RAB7A: variants seen among roughly 807,000 people sequenced by gnomAD.
The protein encoded by RAB7A is ras-related protein Rab-7a.
Under a neutral mutation model 24.5 loss-of-function variants are expected in RAB7A, and 2 were observed. That is an observed-to-expected ratio of 0.08 (90% CI 0.03 to 0.26). RAB7A has a LOEUF of 0.26. RAB7A is among the 10% of genes least tolerant of loss of function. The pLI is 1.00. For missense variants in RAB7A, 118 were observed against 255.7 expected (o/e 0.46, Z 3.67); for synonymous variants, 100 against 95.9 (o/e 1.04, Z -0.25).
intron 2 of RAB7A, among the ~76,000 whole-genome samples, chr3:128,795,820 C>T (rs899067406): frequency 7.8e-6 from 1 of 128,802 alleles, no homozygotes; most frequent in African/African-American, 2.8e-5. Context: ...GGCGCGATCT[C>T]GGCTCACTGC....
intron 5 of RAB7A, among the ~76,000 whole-genome samples, chr3:128,810,094 A>G (rs1251680567): frequency 6.6e-6 from 1 of 151,220 alleles, no homozygotes; most frequent in East Asian, 1.9e-4. Flanking sequence ...GATTACAGGC[A>G]TCCGCCACCA....
At chr3:128,751,190 A>G (rs780519854) in intron 1 of RAB7A, among the ~76,000 whole-genome samples, 16 of 152,206 alleles carry the variant, frequency 1.1e-4, no homozygotes, top group Non-Finnish European at 1.8e-4. Flanking sequence ...CCCCACACAG[A>G]GCTCTCCACA....
chr3:128,807,247 G>A (rs1023855514), intron 4 of RAB7A, among the ~76,000 whole-genome samples: 1 of 152,144 alleles, frequency 6.6e-6, no homozygotes, highest in Non-Finnish European at 1.5e-5. Flanking sequence ...TTTCTTCCCG[G>A]ACTGGCTTCT....
chr3:128,753,362 GA>G (rs886137274), intron 1 of RAB7A, among the ~76,000 whole-genome samples: 4 of 148,810 alleles, frequency 2.7e-5, no homozygotes, highest in South Asian at 2.2e-4. Flanking sequence ...GATAGAGGAT[GA>G]AGGGGGGGGA....
chr3:128,732,175 G>C (rs1167963624), intron 1 of RAB7A, among the ~76,000 whole-genome samples: 1 of 150,908 alleles, frequency 6.6e-6, no homozygotes, highest in African/African-American at 2.4e-5. Flanking sequence ...GAGTAGCTGG[G>C]GCTACAGGTG....
chr3:128,776,723 C>A (rs1384730627), intron 1 of RAB7A, among the ~76,000 whole-genome samples: 3 of 152,188 alleles, frequency 2.0e-5, no homozygotes, highest in African/African-American at 7.2e-5. Flanking sequence ...TTGGCTATAT[C>A]ATTGGATCAA....
intron 3 of RAB7A, among the ~76,000 whole-genome samples, chr3:128,806,121 T>A (rs113356848): frequency 6.6e-6 from 1 of 152,242 alleles, no homozygotes; most frequent in Non-Finnish European, 1.5e-5. Flanking sequence ...GATCAAGATA[T>A]AAGAAATTTC....
chr3:128,813,280 T>C, intron 5 of RAB7A, 47 bp from the exon 6 acceptor site: 1 of 1,553,668 alleles, frequency 6.4e-7, no homozygotes, highest in East Asian at 2.2e-5. Flanking sequence ...AGGGCTGAAA[T>C]GTTTCTATTC....
At chr3:128,770,300 C>T (rs1347472984) in intron 1 of RAB7A, among the ~76,000 whole-genome samples, 1 of 152,206 alleles carries the variant, frequency 6.6e-6, no homozygotes, top group Non-Finnish European at 1.5e-5. Flanking sequence ...GCCACCACAC[C>T]CAGCCCACAA....
intron 1 of RAB7A, among the ~76,000 whole-genome samples, chr3:128,747,435 A>G (rs2070629301): frequency 6.6e-6 from 1 of 151,424 alleles, no homozygotes; most frequent in South Asian, 2.1e-4. Flanking sequence ...AAAAATACAA[A>G]ATTAGCTGGG....
intron 1 of RAB7A, among the ~76,000 whole-genome samples, chr3:128,768,967 T>TC (rs1553719522): frequency 3.0e-5 from 4 of 132,462 alleles, no homozygotes; most frequent in Non-Finnish European, 1.5e-5. Context: ...TTTCTTTCTT[T>TC]CCTTTTTTTT....
intron 2 of RAB7A, 42 bp downstream of exon 2, chr3:128,795,462 C>G (rs1228209932): frequency 1.9e-6 from 3 of 1,551,978 alleles, no homozygotes; most frequent in Middle Eastern, 3.4e-4. Context: ...TGGCTTAGAG[C>G]TAAGCCTCTC....
At chr3:128,807,390 GT>G (rs1553723324) in intron 4 of RAB7A, among the ~76,000 whole-genome samples, 152 bp from the exon 5 acceptor site, 1 of 152,090 alleles carries the variant, frequency 6.6e-6, no homozygotes, top group Non-Finnish European at 1.5e-5. Flanking sequence ...GTTTGGACGG[GT>G]CTGCAGGTCT....
At chr3:128,729,311 C>T (rs1288359557) in intron 1 of RAB7A, among the ~76,000 whole-genome samples, 1 of 152,142 alleles carries the variant, frequency 6.6e-6, no homozygotes, top group Non-Finnish European at 1.5e-5. Flanking sequence ...TGGCTCACGC[C>T]TGTAATCCCA....
Position 128,813,606 on chromosome 3 carries a change from C to CAT in RAB7A, c.*185_*186insTA, listed in dbSNP as rs1933976175. The CAT allele has an allele frequency of 1.7e-6, 1 of 597,590 alleles. No individual in the cohort carries two copies. Among genetic ancestry groups the CAT allele is most frequent in the Non-Finnish European group, 3.1e-6 (1 of 319,552 alleles). The allele number at this position is 597,590 out of a possible 1,614,324, so 37.0% of individuals were successfully genotyped here. A position where few individuals can be genotyped will look rare whatever the true frequency, so the allele number is the denominator to read the frequency against. ...TCTCTCACACACACACACACACGCA[C>CAT]ACACACACACACAGATCTGACGTAA... is the stretch of plus-strand genomic sequence containing the variant. On this transcript the variant is annotated 3_prime_UTR_variant, in exon 6 of 6. Transcript: ENST00000265062.
At chr3:128,767,337 C>T (rs945141667) in intron 1 of RAB7A, among the ~76,000 whole-genome samples, 2 of 152,166 alleles carry the variant, frequency 1.3e-5, no homozygotes, top group Non-Finnish European at 2.9e-5. Context: ...TAGACCTGGG[C>T]TGTGGGACCC....
chr3:128,807,668 G>C lies in RAB7A; in HGVS notation c.525G>C (p.Lys175Asn). The change falls in exon 5 of 6, where the codon AAG (lysine) becomes AAC (asparagine). Residue 175 changes from lysine to asparagine, a missense_variant. Transcript: ENST00000265062. ...AFQTIARNAL[K>N]QETEVELYNE... ...AGACGATTGCACGGAATGCACTTAA[G>C]CAGGTGGGTCTCCCACAGCTGACCA... 1 of 1,614,170 alleles carries C rather than the reference G, an allele frequency of 6.2e-7. No individual in the cohort carries two copies. Among genetic ancestry groups the C allele is most frequent in the Non-Finnish European group, 8.5e-7 (1 of 1,180,028 alleles).
intron 1 of RAB7A, among the ~76,000 whole-genome samples, chr3:128,730,664 A>G (rs2070426825): frequency 6.6e-6 from 1 of 152,240 alleles, no homozygotes; most frequent in Admixed American, 6.5e-5. Context: ...TTAGTATCCC[A>G]GGCTGTGATT....
intron 3 of RAB7A, chr3:128,798,295 T>G: frequency 2.1e-6 from 1 of 473,532 alleles, no homozygotes. Context: ...CACTAAAAAA[T>G]TCTTCTTAAA....
Sources: gnomAD v4.1 joint callset for allele counts (sites outside exome capture counted in the v4.1 genomes callset) on GRCh38, gnomAD v4.1.1 for gene constraint, MANE v1.5 for transcripts, NCBI Gene and HGNC (gene_info 2026-07-23, HGNC 2026-07-21) for gene names.